The following ADGRL3 variants were observed in gnomAD, a reference collection of about 807,000 sequenced individuals.
ADGRL3 encodes the protein calcium-independent alpha-latrotoxin receptor 3.
ADGRL3 carries 62 observed loss-of-function variants against 153.5 expected under a neutral mutation model. The ratio of observed to expected loss-of-function variants is 0.40; its 90% confidence interval spans 0.33 to 0.50. The LOEUF is 0.50. ADGRL3 is among the 20% of genes least tolerant of loss of function. The pLI is 0.47. For synonymous variants in ADGRL3, 710 were observed against 672.5 expected, an observed-to-expected ratio of 1.06 and a Z score of -0.86; for missense variants, 1,641 against 1,859.4, an observed-to-expected ratio of 0.88 and a Z score of 2.16.
chr4:62,012,029 A>G (rs528352103), intron 21 of ADGRL3, among the ~76,000 whole-genome samples: 3 of 152,106 alleles, frequency 2.0e-5, no homozygotes, highest in Non-Finnish European at 4.4e-5. Context: ...ATTAATATAT[A>G]TAATTTTATG....
chr4:61,858,481 C>T (rs2098303976), intron 9 of ADGRL3, among the ~76,000 whole-genome samples: 1 of 152,138 alleles, frequency 6.6e-6, no homozygotes, highest in African/African-American at 2.4e-5. Context: ...ACTAGTCTGG[C>T]GTAGTGGCGC....
chr4:61,448,977 GAT>G (rs1447104062), intron 2 of ADGRL3, among the ~76,000 whole-genome samples: 2 of 152,042 alleles, frequency 1.3e-5, no homozygotes, highest in Non-Finnish European at 2.9e-5. Context: ...TTTATGTGGA[GAT>G]ATATGTTTCC....
intron 1 of ADGRL3, among the ~76,000 whole-genome samples, chr4:61,267,257 T>C (rs1284857421): frequency 6.6e-6 from 1 of 151,752 alleles, no homozygotes; most frequent in Non-Finnish European, 1.5e-5. Flanking sequence ...ATCAGCATTT[T>C]CTTATTTTCA....
chr4:61,553,970 G>A (rs1042369532), intron 4 of ADGRL3, among the ~76,000 whole-genome samples: 3 of 151,944 alleles, frequency 2.0e-5, no homozygotes, highest in Non-Finnish European at 4.4e-5. Context: ...AATTAGTGTA[G>A]GGCAATGCTC....
At chr4:61,750,751 C>T (rs1381944311) in intron 8 of ADGRL3, among the ~76,000 whole-genome samples, 1 of 149,978 alleles carries the variant, frequency 6.7e-6, no homozygotes, top group Non-Finnish European at 1.5e-5. Flanking sequence ...GATCCCGCCA[C>T]TGCACTCCAG....
At position 61,895,757 on chromosome 4, in the gene ADGRL3, C is replaced by A; in HGVS notation, c.1810C>A (p.Pro604Thr). The A allele has an allele frequency of 6.2e-7, 1 of 1,600,188 alleles. No homozygotes were observed. Among genetic ancestry groups the A allele is most frequent in the South Asian group, 1.1e-5 (1 of 88,792 alleles). ...TGTATCAACTTATCTATGCCTTGCT[C>A]CTGATGGAATTTGGGATCCCCAAGG... Reference protein sequence around the residue: ...IGVSTYLCLAPDGIWDPQGPD... With the variant: ...IGVSTYLCLATDGIWDPQGPD... The change falls in exon 11 of 27, where the codon CCT (proline) becomes ACT (threonine). Residue 604 changes from proline (P) to threonine (T), a missense_variant. By Grantham distance (38) the Pro-to-Thr change is conservative. Transcript: ENST00000683033.
chr4:61,530,527 G>C (rs1306701599), intron 4 of ADGRL3, among the ~76,000 whole-genome samples: 1 of 152,132 alleles, frequency 6.6e-6, no homozygotes, highest in Non-Finnish European at 1.5e-5. Flanking sequence ...AGACTGTGTG[G>C]AGAAAGATTT....
At chr4:61,428,919 A>G (rs530168102) in intron 2 of ADGRL3, among the ~76,000 whole-genome samples, 1 of 151,296 alleles carries the variant, frequency 6.6e-6, no homozygotes, top group East Asian at 1.9e-4. Flanking sequence ...CTATCTATCT[A>G]TCTATCTATC....
At chr4:61,387,752 A>G (rs1404202431) in intron 2 of ADGRL3, among the ~76,000 whole-genome samples, 1 of 152,116 alleles carries the variant, frequency 6.6e-6, no homozygotes, top group African/African-American at 2.4e-5. Context: ...CACATGCTGT[A>G]CAATTTGTGC....
intron 5 of ADGRL3, among the ~76,000 whole-genome samples, chr4:61,616,761 GT>G: frequency 6.6e-6 from 1 of 152,140 alleles, no homozygotes; most frequent in South Asian, 2.1e-4. Flanking sequence ...AAACTTCCAT[GT>G]TATAAATATA....
At chr4:61,214,787 A>G (rs900962839) in intron 1 of ADGRL3, among the ~76,000 whole-genome samples, 2 of 152,140 alleles carry the variant, frequency 1.3e-5, no homozygotes, top group Admixed American at 1.3e-4. Context: ...ATAATTAAAA[A>G]ATTAAGCAGG....
At chr4:61,235,460 G>A (rs1210970659) in intron 1 of ADGRL3, among the ~76,000 whole-genome samples, 2 of 152,144 alleles carry the variant, frequency 1.3e-5, no homozygotes, top group East Asian at 3.9e-4. Context: ...GTGTATTAGA[G>A]CTTGTAGACT....
intron 19 of ADGRL3, among the ~76,000 whole-genome samples, chr4:61,989,597 A>G (rs953872745): frequency 5.9e-5 from 9 of 152,086 alleles, no homozygotes; most frequent in Non-Finnish European, 1.5e-5. Flanking sequence ...CAGAAAGCCA[A>G]TGATTGATTG....
At chr4:61,471,121 T>C (rs1390884950) in intron 2 of ADGRL3, among the ~76,000 whole-genome samples, 4 of 151,874 alleles carry the variant, frequency 2.6e-5, no homozygotes, top group South Asian at 2.1e-4. Flanking sequence ...TCCTTTGGAA[T>C]TATTTCACAA....
chr4:61,497,597 C>G (rs1306826715), intron 3 of ADGRL3, among the ~76,000 whole-genome samples: 43 of 150,692 alleles, frequency 2.9e-4, no homozygotes, highest in Non-Finnish European at 2.8e-4. Flanking sequence ...CTTACTGCAA[C>G]CTCTGTCTCC....
chr4:61,357,876 T>C (rs2096207776), intron 1 of ADGRL3, among the ~76,000 whole-genome samples: 1 of 152,094 alleles, frequency 6.6e-6, no homozygotes, highest in African/African-American at 2.4e-5. Flanking sequence ...CACCTACATA[T>C]GATATATGAA....
intron 1 of ADGRL3, among the ~76,000 whole-genome samples, chr4:61,315,529 G>A (rs1465673397): frequency 6.6e-6 from 1 of 152,168 alleles, no homozygotes; most frequent in Non-Finnish European, 1.5e-5. Context: ...TAGTAGCAAT[G>A]TTAAAAAGTA....
intron 2 of ADGRL3, among the ~76,000 whole-genome samples, chr4:61,495,611 C>A (rs967055396): frequency 1.3e-5 from 2 of 152,014 alleles, no homozygotes; most frequent in Admixed American, 1.3e-4. Context: ...AAGATGGTGT[C>A]TTCAGGATTT....
intron 9 of ADGRL3, among the ~76,000 whole-genome samples, chr4:61,824,147 C>T (rs188920144): frequency 1.9e-3 from 296 of 152,220 alleles, no homozygotes; most frequent in African/African-American, 6.9e-3. Flanking sequence ...TTAAGAAAAT[C>T]TTTCATCATC....
Sources: allele counts gnomAD v4.1 joint callset (sites outside exome capture counted in the v4.1 genomes callset), GRCh38; gene constraint gnomAD v4.1.1; transcripts MANE v1.5; gene names NCBI Gene and HGNC (gene_info 2026-07-23, HGNC 2026-07-21).